WBP1L: variants seen among roughly 807,000 people sequenced by gnomAD.
WBP1L encodes the protein WW domain binding protein 1-like.
A neutral mutation model predicts 33.7 loss-of-function variants in WBP1L; 17 were observed. The ratio of observed to expected loss-of-function variants is 0.50; its 90% confidence interval spans 0.34 to 0.76. The LOEUF (loss-of-function observed/expected upper bound fraction) is 0.76, where lower values mean the gene tolerates loss of function less well. Ranked by LOEUF, WBP1L falls within the 30% of genes least tolerant of loss-of-function variation. WBP1L has a pLI of 0.01. For synonymous variants in WBP1L, 173 were observed against 190.8 expected (o/e 0.91, Z 0.77); for missense variants, 389 against 469.4 (o/e 0.83, Z 1.58).
intron 1 of WBP1L, among the ~76,000 whole-genome samples, chr10:102,749,638 T>G (rs563896669): frequency 6.6e-6 from 1 of 151,370 alleles, no homozygotes; most frequent in South Asian, 2.1e-4. Context: ...TAAAAAAATT[T>G]TTTTATAGAG....
intron 1 of WBP1L, among the ~76,000 whole-genome samples, chr10:102,770,838 T>A (rs1843178965): frequency 6.6e-6 from 1 of 152,150 alleles, no homozygotes; most frequent in Non-Finnish European, 1.5e-5. Context: ...TCAGTTCTGG[T>A]TTTTGCTGTT....
chr10:102,761,608 C>T (rs966369533), intron 1 of WBP1L, among the ~76,000 whole-genome samples: 3 of 152,124 alleles, frequency 2.0e-5, no homozygotes, highest in African/African-American at 4.8e-5. Flanking sequence ...AGGCACCTTC[C>T]ACCATGCCCA....
chr10:102,771,766 C>T (rs1032232948), intron 1 of WBP1L, among the ~76,000 whole-genome samples: 6 of 150,558 alleles, frequency 4.0e-5, no homozygotes, highest in African/African-American at 7.3e-5. Flanking sequence ...CAAGATCGTG[C>T]CACCACACTC....
chr10:102,774,952 C>CA (rs1162632151), intron 1 of WBP1L, among the ~76,000 whole-genome samples: 4 of 151,140 alleles, frequency 2.6e-5, no homozygotes, highest in Non-Finnish European at 4.4e-5. Flanking sequence ...CATCTCTACA[C>CA]AAAAAAACAA....
chr10:102,792,592 C>CTTTTTTTTT (rs11368357), intron 1 of WBP1L, among the ~76,000 whole-genome samples: 1 of 103,586 alleles, frequency 9.7e-6, no homozygotes, highest in African/African-American at 3.5e-5. Flanking sequence ...TTTTTCTTTT[C>CTTTTTTTTT]TTTTTTTTTT....
At chr10:102,750,277 C>A (rs2134024470) in intron 1 of WBP1L, among the ~76,000 whole-genome samples, 1 of 151,344 alleles carries the variant, frequency 6.6e-6, no homozygotes, top group Non-Finnish European at 1.5e-5. Flanking sequence ...CACCTGTAAT[C>A]CCAGCTACTC....
chr10:102,770,210 A>G (rs903564565), intron 1 of WBP1L, among the ~76,000 whole-genome samples: 3 of 152,146 alleles, frequency 2.0e-5, no homozygotes, highest in Admixed American at 6.6e-5. Context: ...TTGTTGTGAC[A>G]CTCATGTTGG....
chr10:102,777,491 G>A (rs375500445), intron 1 of WBP1L, among the ~76,000 whole-genome samples: 5 of 150,304 alleles, frequency 3.3e-5, no homozygotes, highest in East Asian at 3.9e-4. Flanking sequence ...AGAGTGTTGC[G>A]TTGACACAGC....
At chr10:102,752,859 G>A (rs1467093096) in intron 1 of WBP1L, among the ~76,000 whole-genome samples, 3 of 152,212 alleles carry the variant, frequency 2.0e-5, no homozygotes, top group African/African-American at 7.2e-5. Flanking sequence ...GTGTCTTGAG[G>A]AGAGTCCTCT....
intron 2 of WBP1L, among the ~76,000 whole-genome samples, chr10:102,802,435 A>G (rs1056762440): frequency 3.3e-5 from 5 of 151,960 alleles, no homozygotes; most frequent in Non-Finnish European, 1.5e-5. Flanking sequence ...AGCTCAGTAA[A>G]TAGGAGTTGA....
chr10:102,759,784 G>A (rs1843015933), intron 1 of WBP1L, among the ~76,000 whole-genome samples: 2 of 152,306 alleles, frequency 1.3e-5, no homozygotes, highest in Middle Eastern at 6.8e-3. Flanking sequence ...TCCTGCCTCA[G>A]CCTCCTGAGT....
At chr10:102,807,648 A>G (rs1424116596) in intron 2 of WBP1L, among the ~76,000 whole-genome samples, 1 of 152,152 alleles carries the variant, frequency 6.6e-6, no homozygotes, top group Non-Finnish European at 1.5e-5. Flanking sequence ...CTGGGATTAC[A>G]GGGTGTGAGC....
chr10:102,776,068 A>G, intron 1 of WBP1L: 2 of 980,818 alleles, frequency 2.0e-6, no homozygotes, highest in Non-Finnish European at 2.4e-6. Flanking sequence ...TCAGTATTCC[A>G]GTGCAGCTGT....
In WBP1L at chr10:102,768,364, GTTTTTTGTTTTT is replaced by G. The variant is rs1564757957; in HGVS notation, c.90+24228_90+24239del. Among the ~76,000 whole-genome samples the G allele has an allele frequency of 4.5e-5, 2 of 44,564 alleles. 1 individual carries two copies. Among genetic ancestry groups the G allele is most frequent in the African/African-American group, 2.3e-4 (2 of 8,868 alleles). 29.2% of individuals were successfully genotyped at this position (44,564 alleles called of 152,430 possible). A position where few individuals can be genotyped will look rare whatever the true frequency, so the allele number is the denominator to read the frequency against. On this transcript the variant is annotated intron_variant, in intron 1 of 3. Transcript: ENST00000448841. ...GCTTGAGCCATTGCGCCTGGCATTA[GTTTTTTGTTTTT>G]TTTTTTTTTTTTTTTTTTTTGAGAC...
intron 1 of WBP1L, among the ~76,000 whole-genome samples, chr10:102,763,162 G>T (rs1201304605): frequency 7.3e-6 from 1 of 136,428 alleles, no homozygotes; most frequent in African/African-American, 2.8e-5. Context: ...TGAGATCATC[G>T]CACCATTGCA....
chr10:102,766,544 C>T (rs955328861), intron 1 of WBP1L, among the ~76,000 whole-genome samples: 21 of 151,242 alleles, frequency 1.4e-4, no homozygotes, highest in Admixed American at 2.6e-4. Flanking sequence ...ATTGCTTGTG[C>T]CTGCGAGGTT....
chr10:102,749,745 A>C (rs967393238), intron 1 of WBP1L, among the ~76,000 whole-genome samples: 4 of 151,850 alleles, frequency 2.6e-5, no homozygotes, highest in African/African-American at 9.7e-5. Context: ...TGCAGGCGTG[A>C]GCCACTGTTC....
At chr10:102,762,159 TA>T (rs1843050258) in intron 1 of WBP1L, among the ~76,000 whole-genome samples, 1 of 152,148 alleles carries the variant, frequency 6.6e-6, no homozygotes, top group African/African-American at 2.4e-5. Flanking sequence ...GGCCATCTTT[TA>T]GTGGTCGCAC....
chr10:102,805,202 G>T (rs1449470912), intron 2 of WBP1L, among the ~76,000 whole-genome samples: 3 of 152,210 alleles, frequency 2.0e-5, no homozygotes, highest in Non-Finnish European at 2.9e-5. Context: ...GGCTCCTTGA[G>T]CCCAGGAGTT....
Sources: allele counts gnomAD v4.1 joint callset (sites outside exome capture counted in the v4.1 genomes callset), GRCh38; gene constraint gnomAD v4.1.1; transcripts MANE v1.5; gene names NCBI Gene and HGNC (gene_info 2026-07-23, HGNC 2026-07-21).